The following SPAG16 variants were observed in gnomAD, a reference collection of about 807,000 sequenced individuals.
SPAG16 encodes the protein sperm associated antigen 16.
Under a neutral mutation model 80.4 loss-of-function variants are expected in SPAG16, and 86 were observed. The observed-to-expected ratio is 1.07, with a 90% CI of 0.90 to 1.28. The LOEUF (loss-of-function observed/expected upper bound fraction) is 1.28. SPAG16 is among the 50% of genes most tolerant of loss of function. The pLI, the probability that SPAG16 is intolerant of heterozygous loss-of-function variation, is 0.00. For synonymous variants in SPAG16, 294 were observed against 265.9 expected, an observed-to-expected ratio of 1.11 and a Z score of -1.03; for missense variants, 870 against 765.3, an observed-to-expected ratio of 1.14 and a Z score of -1.61.
intron 3 of SPAG16, among the ~76,000 whole-genome samples, chr2:213,308,186 A>T (rs1211418451): frequency 6.6e-6 from 1 of 152,180 alleles, no homozygotes; most frequent in African/African-American, 2.4e-5. Context: ...ATTCCATAAA[A>T]TAGAATTAGT....
chr2:213,788,965 A>G (rs548194401), intron 10 of SPAG16, among the ~76,000 whole-genome samples: 1 of 151,966 alleles, frequency 6.6e-6, no homozygotes, highest in Non-Finnish European at 1.5e-5. Context: ...TTTTTATAGC[A>G]TCATTTGCTT....
intron 10 of SPAG16, among the ~76,000 whole-genome samples, chr2:213,683,505 C>T (rs968498260): frequency 2.3e-4 from 35 of 151,718 alleles, no homozygotes; most frequent in Admixed American, 1.3e-4. Context: ...GAGCCGAGAT[C>T]GCATCACTGC....
chr2:213,874,255 C>A (rs572288822), intron 11 of SPAG16, among the ~76,000 whole-genome samples: 1 of 152,200 alleles, frequency 6.6e-6, no homozygotes, highest in South Asian at 2.1e-4. Flanking sequence ...AATCATTTTT[C>A]TTCAATAATA....
chr2:214,133,618 C>T (rs1452734895), intron 14 of SPAG16, among the ~76,000 whole-genome samples: 2 of 152,080 alleles, frequency 1.3e-5, no homozygotes, highest in African/African-American at 2.4e-5. Flanking sequence ...GATCACACCA[C>T]TGCACTCCAG....
intron 10 of SPAG16, among the ~76,000 whole-genome samples, chr2:213,754,912 A>C (rs1265182186): frequency 1.3e-5 from 2 of 152,220 alleles, no homozygotes; most frequent in Non-Finnish European, 2.9e-5. Flanking sequence ...TGCTGTTGGC[A>C]CTTGAGCTTT....
At position 213,533,165 on chromosome 2, in the gene SPAG16, A is replaced by T. The variant is rs56071870; in HGVS notation, c.1070+43075A>T. ...TGAAAATTAGCACATATATGCATGA[A>T]TGGATGTCAAATGTCCCCTATTTTT... On this transcript the variant is annotated intron_variant, in intron 10 of 15. Coordinates refer to ENST00000331683, the MANE Select transcript of SPAG16 (RefSeq NM_024532.5). Among the ~76,000 whole-genome samples, 333 of 152,316 alleles carry T rather than the reference A, an allele frequency of 2.2e-3. 2 individuals carry two copies. Among genetic ancestry groups the T allele is most frequent in the African/African-American group, 7.3e-3 (304 of 41,576 alleles).
chr2:213,680,896 T>C (rs188714512), intron 10 of SPAG16, among the ~76,000 whole-genome samples: 104 of 152,316 alleles, frequency 6.8e-4, no homozygotes, highest in South Asian at 1.5e-3. Context: ...TTCCAGGCTA[T>C]AGGTAAATTT....
intron 1 of SPAG16, among the ~76,000 whole-genome samples, chr2:213,290,794 C>T (rs1238716667): frequency 6.6e-6 from 1 of 152,174 alleles, no homozygotes; most frequent in East Asian, 1.9e-4. Flanking sequence ...AGAGTTTTAT[C>T]ATTCTTGACG....
intron 15 of SPAG16, among the ~76,000 whole-genome samples, chr2:214,242,355 A>C (rs1689554536): frequency 6.6e-6 from 1 of 152,166 alleles, no homozygotes; most frequent in African/African-American, 2.4e-5. Flanking sequence ...GAGATGGCCC[A>C]GTACAGTTTT....
intron 10 of SPAG16, among the ~76,000 whole-genome samples, chr2:213,505,548 G>A (rs914306519): frequency 2.0e-5 from 3 of 152,116 alleles, no homozygotes; most frequent in Non-Finnish European, 2.9e-5. Flanking sequence ...TGATGATAAT[G>A]ACAACTTTTA....
At chr2:213,452,696 C>T (rs1575623797) in intron 9 of SPAG16, among the ~76,000 whole-genome samples, 3 of 152,314 alleles carry the variant, frequency 2.0e-5, no homozygotes, top group African/African-American at 7.2e-5. Flanking sequence ...GATGTTCTGG[C>T]CCCTGCCATT....
chr2:213,971,355 T>C (rs2045040899), intron 12 of SPAG16, among the ~76,000 whole-genome samples: 1 of 152,156 alleles, frequency 6.6e-6, no homozygotes, highest in South Asian at 2.1e-4. Context: ...AAATAATTGA[T>C]AATTTATTAA....
chr2:214,366,394 T>G (rs1333265832), intron 15 of SPAG16, among the ~76,000 whole-genome samples: 1 of 152,176 alleles, frequency 6.6e-6, no homozygotes, highest in Non-Finnish European at 1.5e-5. Flanking sequence ...TGGAGGAGAG[T>G]TTTGGTACGA....
intron 5 of SPAG16, among the ~76,000 whole-genome samples, chr2:213,333,635 G>A (rs947241921): frequency 6.6e-6 from 1 of 152,016 alleles, no homozygotes; most frequent in Non-Finnish European, 1.5e-5. Context: ...AAACAACATG[G>A]TACTGACATA....
At chr2:213,642,009 A>G (rs891770317) in intron 10 of SPAG16, among the ~76,000 whole-genome samples, 1 of 152,164 alleles carries the variant, frequency 6.6e-6, no homozygotes, top group African/African-American at 2.4e-5. Flanking sequence ...CATCCACTTG[A>G]TCCAATCACC....
At chr2:213,781,639 T>G (rs868540472) in intron 10 of SPAG16, among the ~76,000 whole-genome samples, 1 of 152,200 alleles carries the variant, frequency 6.6e-6, no homozygotes, top group South Asian at 2.1e-4. Flanking sequence ...GAGAAAAATC[T>G]TTAATTTAGG....
intron 10 of SPAG16, among the ~76,000 whole-genome samples, chr2:213,665,369 T>TA (rs2063564175): frequency 6.6e-6 from 1 of 152,060 alleles, no homozygotes; most frequent in Admixed American, 6.6e-5. Context: ...CCATGCTGGA[T>TA]AAACACACAC....
At chr2:213,934,332 G>A (rs571004156) in intron 12 of SPAG16, among the ~76,000 whole-genome samples, 1 of 152,312 alleles carries the variant, frequency 6.6e-6, no homozygotes, top group Admixed American at 6.5e-5. Flanking sequence ...TGATGGTGGT[G>A]GGAAGCAGAA....
chr2:214,051,617 T>G (rs1397355), intron 13 of SPAG16, among the ~76,000 whole-genome samples: 146,555 of 152,226 alleles, frequency 0.96, 70,724 homozygotes, highest in Non-Finnish European at 0.99. Flanking sequence ...GCCTTTTCTA[T>G]TTATACTTAC....
Sources: allele counts gnomAD v4.1 joint callset (sites outside exome capture counted in the v4.1 genomes callset), GRCh38; gene constraint gnomAD v4.1.1; transcripts MANE v1.5; gene names NCBI Gene and HGNC (gene_info 2026-07-23, HGNC 2026-07-21).